CNTNAP2: variants seen among roughly 807,000 people sequenced by gnomAD.
CNTNAP2 encodes contactin-associated protein-like 2.
A neutral mutation model predicts 155.2 loss-of-function variants in CNTNAP2; 98 were observed. The observed-to-expected ratio is 0.63, with a 90% confidence interval of 0.54 to 0.75. The LOEUF is 0.75. Among genes scored for constraint, CNTNAP2 ranks in the 30% least tolerant of loss-of-function variants. CNTNAP2 has a pLI of 0.00. For synonymous variants in CNTNAP2, 651 were observed against 631.2 expected (o/e 1.03, Z -0.47); for missense variants, 1,727 against 1,688.1 (o/e 1.02, Z -0.40).
chr7:146,476,077 A>C (rs185975618), intron 1 of CNTNAP2, among the ~76,000 whole-genome samples: 9 of 152,304 alleles, frequency 5.9e-5, no homozygotes, highest in Non-Finnish European at 1.0e-4. Flanking sequence ...TCTCACTGAA[A>C]TGTGTTTCCC....
chr7:146,566,718 A>T (rs1798362962), intron 1 of CNTNAP2, among the ~76,000 whole-genome samples: 1 of 151,618 alleles, frequency 6.6e-6, no homozygotes, highest in Non-Finnish European at 1.5e-5. Context: ...TAAAAATAAA[A>T]ATTAAAATTA....
chr7:146,364,740 A>C (rs2129101557), intron 1 of CNTNAP2, among the ~76,000 whole-genome samples: 2 of 152,340 alleles, frequency 1.3e-5, no homozygotes, highest in Middle Eastern at 6.8e-3. Flanking sequence ...ATAATTAGAC[A>C]CAGCCTGTTT....
Position 148,388,232 on chromosome 7 carries a change from A to G in CNTNAP2, c.3715+4344A>G, listed in dbSNP as rs570392091. On this transcript the variant is annotated intron_variant, in intron 22 of 23. Transcript: ENST00000361727. ...ATATGTATACATGTGCCATGCTGGT[A>G]CGCTGCACCCACTAACTCATCATCT... Among the ~76,000 whole-genome samples, 638 of 151,746 alleles carry G rather than the reference A, an allele frequency of 4.2e-3. 4 individuals are homozygous for G. The highest frequency in any genetic ancestry group is 0.014 in the African/African-American group (596 of 41,378).
At chr7:147,565,324 A>C (rs1562999834) in intron 12 of CNTNAP2, among the ~76,000 whole-genome samples, 1 of 152,178 alleles carries the variant, frequency 6.6e-6, no homozygotes, top group Non-Finnish European at 1.5e-5. Flanking sequence ...GGGTGGGGGC[A>C]GGCCAGAGCA....
Position 147,006,465 on chromosome 7 carries a change from T to G in CNTNAP2, c.403-37442T>G, listed in dbSNP as rs546896728. 1.3e-4 allele frequency among the ~76,000 whole-genome samples: 20 copies of G among 152,208 alleles called. 1 individual carries two copies. The South Asian group carries it at 3.7e-3, about 28-fold the overall frequency. On this transcript the variant is annotated intron_variant, in intron 3 of 23. Transcript: ENST00000361727. ...GAGCTTTTCTGGTGTCTGCCATTCC[T>G]CAGGGGCCTTTAGCTCAAAATAATG...
chr7:146,793,496 T>G (rs942222325), intron 2 of CNTNAP2, among the ~76,000 whole-genome samples: 3 of 152,172 alleles, frequency 2.0e-5, no homozygotes, highest in Non-Finnish European at 4.4e-5. Context: ...TCAGAATTCA[T>G]TTATAGCCTG....
intron 12 of CNTNAP2, among the ~76,000 whole-genome samples, chr7:147,624,324 C>T (rs1794929083): frequency 6.6e-6 from 1 of 151,902 alleles, no homozygotes; most frequent in Non-Finnish European, 1.5e-5. Flanking sequence ...AGACACCCCA[C>T]ATAATGGGAG....
chr7:147,358,742 A>AT (rs1301084275), intron 9 of CNTNAP2, among the ~76,000 whole-genome samples: 1 of 152,146 alleles, frequency 6.6e-6, no homozygotes, highest in Non-Finnish European at 1.5e-5. Context: ...TTCAAAAGCT[A>AT]TGTAGTTATT....
chr7:146,989,672 T>A (rs1025356755), intron 3 of CNTNAP2, among the ~76,000 whole-genome samples: 2 of 152,158 alleles, frequency 1.3e-5, no homozygotes, highest in Admixed American at 6.6e-5. Context: ...TAGGCACTTA[T>A]GAATAAGTAG....
At chr7:146,178,068 C>T (rs1166947790) in intron 1 of CNTNAP2, among the ~76,000 whole-genome samples, 1 of 152,056 alleles carries the variant, frequency 6.6e-6, no homozygotes, top group Non-Finnish European at 1.5e-5. Flanking sequence ...GAGTCTCGTT[C>T]TGTCACCCAG....
At chr7:146,135,743 A>C (rs1460395150) in intron 1 of CNTNAP2, among the ~76,000 whole-genome samples, 1 of 152,116 alleles carries the variant, frequency 6.6e-6, no homozygotes, top group Non-Finnish European at 1.5e-5. Flanking sequence ...TTCTAGACAT[A>C]TGCTGAATCA....
chr7:146,879,460 C>A (rs1720954360), intron 3 of CNTNAP2, among the ~76,000 whole-genome samples: 1 of 151,972 alleles, frequency 6.6e-6, no homozygotes, highest in Non-Finnish European at 1.5e-5. Context: ...TATTAATTAT[C>A]CTTCATTTTC....
chr7:146,873,504 G>A (rs1267873055), intron 3 of CNTNAP2, among the ~76,000 whole-genome samples: 3 of 152,126 alleles, frequency 2.0e-5, no homozygotes, highest in Non-Finnish European at 4.4e-5. Flanking sequence ...TTTAGGCTTA[G>A]AGGGTGAAAG....
chr7:147,311,744 A>G, intron 9 of CNTNAP2, among the ~76,000 whole-genome samples: 1 of 152,174 alleles, frequency 6.6e-6, no homozygotes, highest in East Asian at 1.9e-4. Flanking sequence ...TTTTGTTTGC[A>G]TATCTAATAC....
At position 146,172,101 on chromosome 7, in the gene CNTNAP2, T is replaced by C. The variant is rs187040935; in HGVS notation, c.97+55128T>C. On this transcript the variant is annotated intron_variant, in intron 1 of 23. Coordinates refer to ENST00000361727, the MANE Select transcript of CNTNAP2 (RefSeq NM_014141.6). ...ATATTTACTTTGGAAGTTTCTTCTT[T>C]TTTTTGTTACCAGTTCGTGTTATTT... 6.6e-5 allele frequency among the ~76,000 whole-genome samples: 10 copies of C among 151,878 alleles called. No homozygotes were observed. The East Asian group carries it at 1.9e-3, about 29-fold the overall frequency.
chr7:146,335,983 T>C (rs1451272724), intron 1 of CNTNAP2, among the ~76,000 whole-genome samples: 1 of 152,146 alleles, frequency 6.6e-6, no homozygotes, highest in Non-Finnish European at 1.5e-5. Flanking sequence ...GCAGATCACC[T>C]AAGGCTGGGA....
chr7:148,140,221 T>C (rs1805032855), intron 16 of CNTNAP2, among the ~76,000 whole-genome samples: 1 of 152,076 alleles, frequency 6.6e-6, no homozygotes, highest in Non-Finnish European at 1.5e-5. Flanking sequence ...GCATGGGGTA[T>C]TGCCAATGAG....
At chr7:147,588,622 C>A (rs556544341) in intron 12 of CNTNAP2, among the ~76,000 whole-genome samples, 1 of 152,144 alleles carries the variant, frequency 6.6e-6, no homozygotes, top group South Asian at 2.1e-4. Context: ...TAGAACCAAG[C>A]TAATCAGATG....
At chr7:147,600,955 A>C (rs1800931459) in intron 12 of CNTNAP2, among the ~76,000 whole-genome samples, 1 of 152,188 alleles carries the variant, frequency 6.6e-6, no homozygotes, top group Non-Finnish European at 1.5e-5. Flanking sequence ...TTAGATTTAA[A>C]TTTCTGGCAT....
Sources: allele counts gnomAD v4.1 joint callset (sites outside exome capture counted in the v4.1 genomes callset), GRCh38; gene constraint gnomAD v4.1.1; transcripts MANE v1.5; gene names NCBI Gene and HGNC (gene_info 2026-07-23, HGNC 2026-07-21).